The following CTNNA2 variants were observed in gnomAD, a reference collection of about 807,000 sequenced individuals.
The protein encoded by CTNNA2 is catenin alpha-2.
Under a neutral mutation model 101.0 loss-of-function variants are expected in CTNNA2, and 42 were observed. The observed-to-expected ratio is 0.42, with a 90% confidence interval of 0.32 to 0.54. CTNNA2 has a LOEUF of 0.54. CTNNA2 is among the 20% of genes least tolerant of loss of function. CTNNA2 has a pLI of 0.14. For missense variants in CTNNA2, 871 were observed against 1,223.1 expected, an observed-to-expected ratio of 0.71 and a Z score of 4.29; for synonymous variants, 450 against 456.4, an observed-to-expected ratio of 0.99 and a Z score of 0.18.
intron 7 of CTNNA2, among the ~76,000 whole-genome samples, chr2:80,104,483 A>C (rs2148848750): frequency 6.6e-6 from 1 of 152,322 alleles, no homozygotes; most frequent in South Asian, 2.1e-4. Context: ...GAACGCTAAA[A>C]AAACTTCTAA....
intron 3 of CTNNA2, among the ~76,000 whole-genome samples, chr2:79,797,980 A>G (rs1282488855): frequency 6.6e-6 from 1 of 151,966 alleles, no homozygotes; most frequent in Non-Finnish European, 1.5e-5. Context: ...ACACAAATTT[A>G]CCCTTTTTCT....
At chr2:79,403,738 T>A (rs1216359499) in intron 4 of CTNNA2, among the ~76,000 whole-genome samples, 1 of 151,952 alleles carries the variant, frequency 6.6e-6, no homozygotes, top group Non-Finnish European at 1.5e-5. Flanking sequence ...GTTAGACCCA[T>A]TTGACTAACA....
chr2:80,023,072 G>T (rs1694686106), intron 7 of CTNNA2, among the ~76,000 whole-genome samples: 2 of 152,204 alleles, frequency 1.3e-5, no homozygotes, highest in South Asian at 4.1e-4. Context: ...AATATGGTAA[G>T]CGTGGGCATC....
chr2:79,572,227 A>G (rs1675501368), intron 1 of CTNNA2, among the ~76,000 whole-genome samples: 2 of 152,170 alleles, frequency 1.3e-5, no homozygotes, highest in South Asian at 4.1e-4. Flanking sequence ...AGGGAAAGGG[A>G]GTGGACTGAG....
intron 9 of CTNNA2, among the ~76,000 whole-genome samples, chr2:80,541,404 C>T (rs1431849000): frequency 3.9e-5 from 6 of 152,076 alleles, no homozygotes; most frequent in Non-Finnish European, 8.8e-5. Context: ...TCAAGAGGTG[C>T]CAGCTCTTTA....
chr2:79,847,314 G>T (rs890034817), intron 3 of CTNNA2, among the ~76,000 whole-genome samples: 10 of 152,116 alleles, frequency 6.6e-5, no homozygotes, highest in African/African-American at 2.4e-4. Flanking sequence ...GGAGGCTGAG[G>T]CGAGTGGATC....
intron 4 of CTNNA2, among the ~76,000 whole-genome samples, chr2:79,406,205 T>C (rs1371833235): frequency 2.6e-5 from 4 of 152,084 alleles, no homozygotes; most frequent in Admixed American, 1.3e-4. Flanking sequence ...AAAAGAATCA[T>C]GGCATCTGAA....
intron 3 of CTNNA2, among the ~76,000 whole-genome samples, chr2:79,809,310 T>C (rs1459933540): frequency 6.6e-6 from 1 of 152,198 alleles, no homozygotes; most frequent in Non-Finnish European, 1.5e-5. Context: ...CACCCAGTAA[T>C]GGGATTGCGG....
intron 7 of CTNNA2, among the ~76,000 whole-genome samples, chr2:79,938,338 G>A (rs1364662430): frequency 6.6e-6 from 1 of 152,154 alleles, no homozygotes; most frequent in East Asian, 1.9e-4. Context: ...AGAAAATGGA[G>A]TATCAGAAAC....
intron 3 of CTNNA2, among the ~76,000 whole-genome samples, chr2:79,343,413 G>A (rs1033592532): frequency 6.6e-6 from 1 of 152,156 alleles, no homozygotes; most frequent in Non-Finnish European, 1.5e-5. Flanking sequence ...AGGCTAGACT[G>A]CATTCTAGAA....
At chr2:80,384,018 A>T (rs1288822897) in intron 7 of CTNNA2, among the ~76,000 whole-genome samples, 4 of 152,186 alleles carry the variant, frequency 2.6e-5, no homozygotes, top group Non-Finnish European at 5.9e-5. Flanking sequence ...CTTTGCAGCA[A>T]CATGGATGGA....
chr2:79,724,654 A>T (rs1686703682), intron 2 of CTNNA2, among the ~76,000 whole-genome samples: 1 of 151,936 alleles, frequency 6.6e-6, no homozygotes, highest in South Asian at 2.1e-4. Context: ...TCTCTACTAA[A>T]AATACAAAAA....
intron 2 of CTNNA2, among the ~76,000 whole-genome samples, chr2:79,241,395 A>G (rs1227383843): frequency 6.6e-6 from 1 of 152,220 alleles, no homozygotes; most frequent in Non-Finnish European, 1.5e-5. Context: ...AGATACTGCA[A>G]CAGTTAATTC....
intron 7 of CTNNA2, among the ~76,000 whole-genome samples, chr2:80,365,702 CTG>C (rs1247253597): frequency 6.6e-6 from 1 of 152,018 alleles, no homozygotes; most frequent in Non-Finnish European, 1.5e-5. Context: ...GATTGTGTAA[CTG>C]TTTTCATAAG....
intron 1 of CTNNA2, among the ~76,000 whole-genome samples, chr2:79,646,921 CTTG>C: frequency 6.6e-6 from 1 of 152,256 alleles, no homozygotes; most frequent in Non-Finnish European, 1.5e-5. Context: ...AGAAGACAAA[CTTG>C]TTGTCTTTTG....
intron 18 of CTNNA2, among the ~76,000 whole-genome samples, chr2:80,640,099 C>T (rs1382845988): frequency 6.9e-6 from 1 of 145,350 alleles, no homozygotes; most frequent in African/African-American, 2.5e-5. Flanking sequence ...GATAACATCT[C>T]AAAAAAAAAC....
rs528692153 is a variant in CTNNA2 at position 80,386,344 on chromosome 2, G to A, written c.1057-6867G>A. ...CATCCATTCTAAAGAGATACTGCCTGTTTCTTTTCCAAGAGAAATGTCCTT... is the reference window on the plus strand; with the variant it reads ...CATCCATTCTAAAGAGATACTGCCTATTTCTTTTCCAAGAGAAATGTCCTT... On this transcript the variant is annotated intron_variant, in intron 7 of 18. Transcript: ENST00000402739. 2.1e-3 allele frequency among the ~76,000 whole-genome samples: 317 copies of A among 152,222 alleles called. 2 individuals carry two copies. Among genetic ancestry groups the A allele is most frequent in the Non-Finnish European group, 3.4e-3 (233 of 68,014 alleles).
intron 1 of CTNNA2, among the ~76,000 whole-genome samples, chr2:79,568,719 T>G (rs1384518019): frequency 6.6e-6 from 1 of 150,824 alleles, no homozygotes; most frequent in Non-Finnish European, 1.5e-5. Flanking sequence ...TGAACCCATT[T>G]TGTATTTAAA....
chr2:79,256,756 T>G (rs1674849111), intron 2 of CTNNA2, among the ~76,000 whole-genome samples: 1 of 152,194 alleles, frequency 6.6e-6, no homozygotes, highest in African/African-American at 2.4e-5. Context: ...ACTGCCCAGT[T>G]CTTCAATCTG....
Sources: gnomAD v4.1 joint callset for allele counts (sites outside exome capture counted in the v4.1 genomes callset) on GRCh38, gnomAD v4.1.1 for gene constraint, MANE v1.5 for transcripts, NCBI Gene and HGNC (gene_info 2026-07-23, HGNC 2026-07-21) for gene names.